SYT13: variants seen among roughly 807,000 people sequenced by gnomAD.
SYT13 encodes the protein synaptotagmin-13.
Under a neutral mutation model 38.6 loss-of-function variants are expected in SYT13, and 21 were observed. That is an observed-to-expected ratio of 0.54 (90% CI 0.39 to 0.78). The LOEUF (loss-of-function observed/expected upper bound fraction) is 0.78. Ranked by LOEUF, SYT13 falls within the 30% of genes least tolerant of loss-of-function variation. The pLI, the probability that SYT13 is intolerant of heterozygous loss-of-function variation, is 0.00. For synonymous variants in SYT13, 241 were observed against 237.6 expected, an observed-to-expected ratio of 1.01 and a Z score of -0.13; for missense variants, 495 against 548.7, an observed-to-expected ratio of 0.90 and a Z score of 0.98.
chr11:45,246,696 C>T lies in SYT13; in HGVS notation c.847-184G>A, dbSNP rs370781311. Among the ~76,000 whole-genome samples, 14 of 152,260 alleles carry T rather than the reference C, an allele frequency of 9.2e-5. No individual in the cohort carries two copies. In the East Asian group the frequency reaches 1.9e-3, roughly 21 times the overall value. On this transcript the variant is annotated intron_variant, in intron 4 of 5. Coordinates refer to ENST00000020926, the MANE Select transcript of SYT13 (RefSeq NM_020826.3). ...GAGCAAGGCACAGAGGAATTCCATGCGGCATGCGCTTCAATAGCAGTTTCT... is the reference window on the plus strand; with the variant it reads ...GAGCAAGGCACAGAGGAATTCCATGTGGCATGCGCTTCAATAGCAGTTTCT...
chr11:45,273,638 A>T (rs1034169508), intron 1 of SYT13, among the ~76,000 whole-genome samples: 4 of 152,214 alleles, frequency 2.6e-5, no homozygotes, highest in Non-Finnish European at 4.4e-5. Flanking sequence ...TATTAACGAC[A>T]TGAGGTCAGG....
chr11:45,280,598 G>A (rs938549970), intron 1 of SYT13, among the ~76,000 whole-genome samples: 32 of 152,162 alleles, frequency 2.1e-4, no homozygotes, highest in Admixed American at 8.5e-4. Flanking sequence ...CAGCACCCAC[G>A]TCAAGAGGCA....
At position 45,254,564 on chromosome 11, in the gene SYT13, A is replaced by T. The variant is rs1174692722; in HGVS notation, c.410-160T>A. On this transcript the variant is annotated intron_variant, in intron 2 of 5. Coordinates refer to ENST00000020926, the MANE Select transcript of SYT13 (RefSeq NM_020826.3). ...CCACACCAAGACAACAGGTGGGGTC[A>T]ATGTCACAGCCCATTAGGCTGCATC... 7 of 962,726 alleles carry T rather than the reference A, an allele frequency of 7.3e-6. No homozygotes were observed. In the African/African-American group the frequency reaches 1.2e-4, roughly 16 times the overall value. 59.6% of individuals were successfully genotyped at this position (962,726 alleles called of 1,614,324 possible).
Position 45,286,324 on chromosome 11 carries a change from G to A in SYT13, c.-117C>T. 5.7e-6 allele frequency: 7 copies of A among 1,231,962 alleles called. No individual in the cohort carries two copies. The highest frequency in any genetic ancestry group is 2.8e-5 in the East Asian group (1 of 35,732). 76.3% of individuals were successfully genotyped at this position (1,231,962 alleles called of 1,614,324 possible). ...GCCAGCAGCTCTCCCGCCGCCAGAG[G>A]GGCGGGGACGGAGGGAGGGAGGACG... On this transcript the variant is annotated 5_prime_UTR_variant, in exon 1 of 6. Coordinates refer to ENST00000020926, the MANE Select transcript of SYT13 (RefSeq NM_020826.3).
At chr11:45,261,555 G>A (rs1377370577) in intron 1 of SYT13, among the ~76,000 whole-genome samples, 2 of 151,570 alleles carry the variant, frequency 1.3e-5, no homozygotes, top group Admixed American at 6.6e-5. Flanking sequence ...CTGAGATCGC[G>A]CCACTGCACT....
Position 45,255,685 on chromosome 11 carries a change from C to T in SYT13, c.390G>A (p.Leu130=), listed in dbSNP as rs775974297. Residue 130 remains leucine (L), a synonymous_variant, in exon 2 of 6, where the codon CTG becomes CTA. Coordinates refer to ENST00000020926, the MANE Select transcript of SYT13 (RefSeq NM_020826.3). ...CCCTACCATTCTGAGGGAGGATGAA[C>T]AGCTCCTCTGTGACCTGCCTCTTGA... ...SRLKRQVTEE[L]FILPQNGVVE... is the part of the protein sequence containing the mutation. 3 of 1,614,132 alleles carry T rather than the reference C, an allele frequency of 1.9e-6. No homozygotes were observed. The highest frequency in any genetic ancestry group is 2.5e-6 in the Non-Finnish European group (3 of 1,180,028).
Position 45,265,260 on chromosome 11 carries a change from T to C in SYT13, c.184-9369A>G, listed in dbSNP as rs571425383. On this transcript the variant is annotated intron_variant, in intron 1 of 5. Transcript: ENST00000020926. ...TGTCTACGCATACATACTGCATGAT[T>C]CCACTGACAGTGCTGGATCTCAGCC... 7.9e-5 allele frequency among the ~76,000 whole-genome samples: 12 copies of C among 152,378 alleles called. No individual in the cohort carries two copies. In the South Asian group the frequency reaches 2.5e-3, roughly 32 times the overall value.
At chr11:45,273,268 C>T (rs1373948012) in intron 1 of SYT13, among the ~76,000 whole-genome samples, 8 of 152,160 alleles carry the variant, frequency 5.3e-5, no homozygotes. Flanking sequence ...GAGACAGTGG[C>T]CTGACAGGAT....
Position 45,240,832 on chromosome 11 carries a change from C to T in SYT13, c.*3220G>A, listed in dbSNP as rs1040876508. The stretch of plus-strand genomic sequence containing the variant: ...TCTCTCACCTTATTTTTACCTCTAC[C>T]TCACACCCTTTTTAGAAATGCTCAC... On this transcript the variant is annotated 3_prime_UTR_variant, in exon 6 of 6. Coordinates refer to ENST00000020926, the MANE Select transcript of SYT13 (RefSeq NM_020826.3). 6.6e-6 allele frequency: 1 copy of T among 152,222 alleles called. No homozygotes were observed. The highest frequency in any genetic ancestry group is 1.5e-5 in the Non-Finnish European group (1 of 68,042). 9.4% of individuals were successfully genotyped at this position (152,222 alleles called of 1,614,324 possible).
intron 1 of SYT13, among the ~76,000 whole-genome samples, chr11:45,279,593 C>T (rs752432532): frequency 6.6e-6 from 1 of 152,148 alleles, no homozygotes; most frequent in East Asian, 1.9e-4. Context: ...TCTCAAAAAA[C>T]ATTTTAATAT....
intron 1 of SYT13, among the ~76,000 whole-genome samples, chr11:45,274,561 A>T (rs1030167363): frequency 6.6e-6 from 1 of 152,188 alleles, no homozygotes; most frequent in Non-Finnish European, 1.5e-5. Context: ...GTATTTTAAG[A>T]TGCTCCGCGA....
chr11:45,263,439 C>A (rs1398244069), intron 1 of SYT13, among the ~76,000 whole-genome samples: 1 of 152,192 alleles, frequency 6.6e-6, no homozygotes, highest in Non-Finnish European at 1.5e-5. Flanking sequence ...ATCCCTCTTA[C>A]AGTAGCACTG....
chr11:45,252,251 G>T lies in SYT13; in HGVS notation c.846+170C>A, dbSNP rs919851848. On this transcript the variant is annotated intron_variant, in intron 4 of 5. Coordinates refer to ENST00000020926, the MANE Select transcript of SYT13 (RefSeq NM_020826.3). This position sits in a 1 kb window ranked among gnomAD's most constrained non-coding sequence, Gnocchi z 4.3. Reference sequence around the variant, plus strand: ...AGGAATCCCAGATCCTGGGCTATGGGTCTCCTCTAGCCCTCTGCCCCATTC... The same window carrying T: ...AGGAATCCCAGATCCTGGGCTATGGTTCTCCTCTAGCCCTCTGCCCCATTC... 6.6e-6 allele frequency among the ~76,000 whole-genome samples: 1 copy of T among 152,180 alleles called. No individual in the cohort carries two copies. The highest frequency in any genetic ancestry group is 1.5e-5 in the Non-Finnish European group (1 of 68,018).
At chr11:45,247,237 C>T (rs904319638) in intron 4 of SYT13, among the ~76,000 whole-genome samples, 3 of 152,166 alleles carry the variant, frequency 2.0e-5, no homozygotes, top group Non-Finnish European at 4.4e-5. Flanking sequence ...CAAGAATGAC[C>T]GAAAGACCCC....
In SYT13 at chr11:45,252,334, A is replaced by G; in HGVS notation, c.846+87T>C. On this transcript the variant is annotated intron_variant, in intron 4 of 5. Transcript: ENST00000020926. This position sits in a 1 kb window ranked among gnomAD's most constrained non-coding sequence, Gnocchi z 4.3. ...GGGAGGTCTCTGAGGCTTGTTCCCT[A>G]AGACTGAGTTGCTGGGAGGACACCA... 2 of 1,452,662 alleles carry G rather than the reference A, an allele frequency of 1.4e-6. No individual in the cohort carries two copies. Among genetic ancestry groups the G allele is most frequent in the Admixed American group, 4.4e-5 (2 of 45,044 alleles). The allele number at this position is 1,452,662 out of a possible 1,614,324, so 90.0% of individuals were successfully genotyped here.
At chr11:45,285,942 C>A in intron 1 of SYT13, 83 bp downstream of exon 1, 2 of 1,533,482 alleles carry the variant, frequency 1.3e-6, no homozygotes, top group African/African-American at 2.7e-5. Flanking sequence ...GATCCACGAC[C>A]GCCTCCCACC....
At chr11:45,268,704 A>G (rs1854913601) in intron 1 of SYT13, among the ~76,000 whole-genome samples, 1 of 152,144 alleles carries the variant, frequency 6.6e-6, no homozygotes, top group Non-Finnish European at 1.5e-5. Context: ...CAGGCTTTCC[A>G]GCTTGGCCCC....
At chr11:45,246,654 T>G in intron 4 of SYT13, 142 bp from the exon 5 acceptor site, 1 of 1,228,760 alleles carries the variant, frequency 8.1e-7, no homozygotes, top group Non-Finnish European at 1.1e-6. Context: ...TGCTGGGGTG[T>G]CCACCCTTGC....
rs549702719 is a variant in SYT13, at chr11:45,276,435, G to T, written c.183+9590C>A. On this transcript the variant is annotated intron_variant, in intron 1 of 5. Transcript: ENST00000020926. ...CATTACACACCGGGACCTGTCAGTG[G>T]GTGGGGGACTAGGGGAGGGATAGCA... Among the ~76,000 whole-genome samples the T allele has an allele frequency of 4.6e-5, 7 of 152,210 alleles. No homozygotes were observed. In the East Asian group the frequency reaches 1.2e-3, roughly 25 times the overall value.
Sources: allele counts gnomAD v4.1 joint callset (sites outside exome capture counted in the v4.1 genomes callset), GRCh38; gene constraint gnomAD v4.1.1; non-coding constraint Gnocchi (gnomAD v3.1); transcripts MANE v1.5; gene names NCBI Gene and HGNC (gene_info 2026-07-23, HGNC 2026-07-21).